The following COL6A6 variants were observed in gnomAD, a reference collection of about 807,000 sequenced individuals.
COL6A6 encodes the protein collagen type VI alpha 6 chain, also known as collagen alpha-6(VI) chain.
Under a neutral mutation model 208.6 loss-of-function variants are expected in COL6A6, and 183 were observed. The ratio of observed to expected loss-of-function variants is 0.88; its 90% CI spans 0.78 to 0.99. The LOEUF is 0.99. COL6A6 is among the 50% of genes least tolerant of loss of function. COL6A6 has a pLI of 0.00. For missense variants in COL6A6, 2,816 were observed against 2,815.2 expected (o/e 1.00, Z -0.01); for synonymous variants, 973 against 1,011.8 (o/e 0.96, Z 0.73).
In COL6A6 at chr3:130,676,618, C is replaced by T. The variant is rs887023010; in HGVS notation, c.*1221C>T. The stretch of plus-strand genomic sequence containing the variant: ...GCATGGAGCAGATGGATACTGACAC[C>T]AAGGACATTCAGATTTTCTTTCCTA... On this transcript the variant is annotated 3_prime_UTR_variant, in exon 37 of 37. Transcript: ENST00000358511. 1 of 152,166 alleles carries T rather than the reference C, an allele frequency of 6.6e-6. No individual in the cohort carries two copies. 9.4% of individuals were successfully genotyped at this position (152,166 alleles called of 1,614,324 possible). A position where few individuals can be genotyped will look rare whatever the true frequency, so the allele number is the denominator to read the frequency against.
rs764839321 is a variant in COL6A6 at position 130,662,229 on chromosome 3, G to A, written c.6423G>A (p.Leu2141=). ...DLASHPLDHH[L]VQLGRIHKPD... is the part of the protein sequence containing the mutation. ...CCAGCCACCCTTTGGATCACCACCT[G>A]GTCCAGCTTGGCCGAATTCATAAAC... The change falls in exon 35 of 37, where the codon CTG becomes CTA. Residue 2141 remains leucine (L), a synonymous_variant. Transcript: ENST00000358511. The A allele has an allele frequency of 1.2e-6, 2 of 1,613,958 alleles. No individual in the cohort carries two copies. Among genetic ancestry groups the A allele is most frequent in the Non-Finnish European group, 1.7e-6 (2 of 1,179,874 alleles).
intron 1 of COL6A6, among the ~76,000 whole-genome samples, chr3:130,555,820 T>A (rs2062756031): frequency 6.6e-6 from 1 of 152,210 alleles, no homozygotes; most frequent in Non-Finnish European, 1.5e-5. Context: ...GTTACATTTA[T>A]GTATTTCTTA....
intron 1 of COL6A6, among the ~76,000 whole-genome samples, chr3:130,550,042 GATGGTATTTTATTCTTTTT>G (rs1349958890): frequency 6.6e-6 from 1 of 152,092 alleles, no homozygotes; most frequent in Non-Finnish European, 1.5e-5. Flanking sequence ...TCCCTGATGA[GATGGTATTTTATTCTTTTT>G]GTGGCTAATG....
At chr3:130,671,592 C>T (rs2066217269) in intron 36 of COL6A6, among the ~76,000 whole-genome samples, 1 of 152,144 alleles carries the variant, frequency 6.6e-6, no homozygotes, top group Non-Finnish European at 1.5e-5. Context: ...CTGAGCCATT[C>T]AAGAGAGGTG....
At chr3:130,624,450 C>T (rs2064826748) in intron 24 of COL6A6, among the ~76,000 whole-genome samples, 1 of 152,128 alleles carries the variant, frequency 6.6e-6, no homozygotes, top group African/African-American at 2.4e-5. Flanking sequence ...ATGGGGATGA[C>T]AAGAAGTCAA....
chr3:130,604,534 A>G (rs1039848098), intron 20 of COL6A6, among the ~76,000 whole-genome samples: 1 of 152,144 alleles, frequency 6.6e-6, no homozygotes, highest in Non-Finnish European at 1.5e-5. Context: ...CCATTAACAA[A>G]GGTGCTATGC....
chr3:130,666,440 T>C (rs959267242), intron 36 of COL6A6, among the ~76,000 whole-genome samples: 1 of 152,160 alleles, frequency 6.6e-6, no homozygotes, highest in African/African-American at 2.4e-5. Flanking sequence ...TAAAGGGAAG[T>C]AGGATAGGGT....
chr3:130,564,599 C>T (rs770143006), intron 3 of COL6A6, among the ~76,000 whole-genome samples: 1 of 152,154 alleles, frequency 6.6e-6, no homozygotes, highest in Non-Finnish European at 1.5e-5. Context: ...ATTGCTATTT[C>T]GTTACTATCC....
chr3:130,539,254 G>T (rs1003221256), intron 1 of COL6A6, among the ~76,000 whole-genome samples: 1 of 152,224 alleles, frequency 6.6e-6, no homozygotes, highest in African/African-American at 2.4e-5. Context: ...TCTCAATGTG[G>T]AATGGGCAGC....
At chr3:130,650,240 C>G (rs2065592972) in intron 33 of COL6A6, among the ~76,000 whole-genome samples, 1 of 152,150 alleles carries the variant, frequency 6.6e-6, no homozygotes, top group Non-Finnish European at 1.5e-5. Context: ...TCCAGTTGGC[C>G]TCTTGGCACC....
intron 1 of COL6A6, among the ~76,000 whole-genome samples, chr3:130,557,721 A>G (rs1325350481): frequency 2.6e-5 from 4 of 152,084 alleles, no homozygotes; most frequent in African/African-American, 9.7e-5. Context: ...ACCTTTTTTC[A>G]GAGATAGGAC....
At chr3:130,604,910 A>G (rs1269330875) in intron 20 of COL6A6, among the ~76,000 whole-genome samples, 2 of 152,206 alleles carry the variant, frequency 1.3e-5, no homozygotes, top group African/African-American at 4.8e-5. Context: ...TGTTACCACA[A>G]CCAGATGTAT....
At chr3:130,624,906 C>G (rs374934613) in intron 24 of COL6A6, among the ~76,000 whole-genome samples, 5 of 152,176 alleles carry the variant, frequency 3.3e-5, no homozygotes, top group Non-Finnish European at 4.4e-5. Flanking sequence ...AGGAGGCAAG[C>G]AACCTGGCAG....
At chr3:130,643,828 A>G (rs1347940024) in intron 31 of COL6A6, among the ~76,000 whole-genome samples, 1 of 152,208 alleles carries the variant, frequency 6.6e-6, no homozygotes, top group Non-Finnish European at 1.5e-5. Context: ...TTCAGTAGAG[A>G]ACATTGGTCT....
chr3:130,577,218 C>T (rs1298755135), intron 8 of COL6A6, among the ~76,000 whole-genome samples: 1 of 152,102 alleles, frequency 6.6e-6, no homozygotes, highest in Non-Finnish European at 1.5e-5. Context: ...AATGTGGAAA[C>T]TGGGGTTCAA....
chr3:130,541,677 T>G (rs550272386), intron 1 of COL6A6, among the ~76,000 whole-genome samples: 1 of 152,338 alleles, frequency 6.6e-6, no homozygotes, highest in African/African-American at 2.4e-5. Context: ...TTGTTTTAAT[T>G]TGCATTTTCC....
intron 11 of COL6A6, 54 bp from the exon 12 acceptor site, chr3:130,589,036 G>C: frequency 1.5e-6 from 2 of 1,353,714 alleles, no homozygotes; most frequent in Non-Finnish European, 2.1e-6. Flanking sequence ...ACTTGTATAT[G>C]AGATTTGGGA....
chr3:130,558,610 A>G (rs1268536975), intron 1 of COL6A6, among the ~76,000 whole-genome samples: 1 of 152,140 alleles, frequency 6.6e-6, no homozygotes, highest in African/African-American at 2.4e-5. Flanking sequence ...CCTTCACTCA[A>G]TACCGATTTC....
rs535229066 is a variant in COL6A6 at position 130,675,581 on chromosome 3, T to A, written c.*184T>A. The stretch of plus-strand genomic sequence containing the variant: ...TGACCACTCCTGACAATTCCAGCAC[T>A]CTACGACTGATATGTCGAAGAACTG... On this transcript the variant is annotated 3_prime_UTR_variant, in exon 37 of 37. Coordinates refer to ENST00000358511, the MANE Select transcript of COL6A6 (RefSeq NM_001102608.3). The A allele has an allele frequency of 8.4e-6, 4 of 473,756 alleles. No individual in the cohort carries two copies. In the South Asian group the frequency reaches 2.3e-4, roughly 27 times the overall value. 29.3% of individuals were successfully genotyped at this position (473,756 alleles called of 1,614,324 possible). A position where few individuals can be genotyped will look rare whatever the true frequency, so the allele number is the denominator to read the frequency against.
Sources: allele counts gnomAD v4.1 joint callset (sites outside exome capture counted in the v4.1 genomes callset), GRCh38; gene constraint gnomAD v4.1.1; transcripts MANE v1.5; gene names NCBI Gene and HGNC (gene_info 2026-07-23, HGNC 2026-07-21).